The following ANO6 variants were observed in gnomAD, a reference collection of about 807,000 sequenced individuals.
ANO6 encodes anoctamin-6.
ANO6 carries 106 observed loss-of-function variants against 117.5 expected under a neutral mutation model. The ratio of observed to expected loss-of-function variants is 0.90; its 90% CI spans 0.77 to 1.06. The LOEUF (loss-of-function observed/expected upper bound fraction) is 1.06, where lower values mean the gene tolerates loss of function less well. ANO6 is among the 50% of genes least tolerant of loss of function. The probability of loss-of-function intolerance (pLI) is 0.00; values close to 1 mark genes in which losing one functional copy is unlikely to be tolerated. For synonymous variants in ANO6, 367 were observed against 385.1 expected (o/e 0.95, Z 0.55); for missense variants, 955 against 1,121.1 (o/e 0.85, Z 2.12).
At chr12:45,335,930 A>G (rs73279698) in intron 3 of ANO6, among the ~76,000 whole-genome samples, 2,028 of 152,044 alleles carry the variant, frequency 0.013, 39 homozygotes, top group African/African-American at 0.047. Context: ...TGAAGACCAT[A>G]TTGTCTACAA....
At chr12:45,248,428 CTTT>C (rs35185612) in intron 1 of ANO6, among the ~76,000 whole-genome samples, 7 of 120,840 alleles carry the variant, frequency 5.8e-5, no homozygotes, top group Non-Finnish European at 5.2e-5. Flanking sequence ...AAAAAGTAGA[CTTT>C]TTTTTTTTTT....
chr12:45,431,817 C>G lies in ANO6; in HGVS notation c.*2506C>G, dbSNP rs1375099036. On this transcript the variant is annotated 3_prime_UTR_variant, in exon 20 of 20. Transcript: ENST00000320560. ...TGAAGAGGGAGAATCTAGCCTTCAG[C>G]CTGTCCAGTGTTAACCACTAGAGAA... 1.3e-5 allele frequency: 13 copies of G among 985,306 alleles called. No individual in the cohort carries two copies. Among genetic ancestry groups the G allele is most frequent in the African/African-American group, 5.2e-5 (3 of 57,224 alleles). The allele number at this position is 985,306 out of a possible 1,614,324, so 61.0% of individuals were successfully genotyped here. A position where few individuals can be genotyped will look rare whatever the true frequency, so the allele number is the denominator to read the frequency against.
chr12:45,379,648 A>G (rs1942118553), intron 10 of ANO6, among the ~76,000 whole-genome samples: 3 of 152,210 alleles, frequency 2.0e-5, no homozygotes. Flanking sequence ...TAAACTGCAT[A>G]TACTAATGGA....
At chr12:45,245,351 T>C (rs539018387) in intron 1 of ANO6, among the ~76,000 whole-genome samples, 32 of 152,126 alleles carry the variant, frequency 2.1e-4, no homozygotes, top group South Asian at 6.2e-4. Context: ...TTAGTATTAA[T>C]AATTGTTAAT....
At chr12:45,415,049 T>TG (rs1943181013) in intron 16 of ANO6, among the ~76,000 whole-genome samples, 1 of 151,698 alleles carries the variant, frequency 6.6e-6, no homozygotes, top group South Asian at 2.1e-4. Flanking sequence ...TTAGCTGCCA[T>TG]GCCTGGCTGA....
chr12:45,353,313 C>T (rs1386436507), intron 7 of ANO6, among the ~76,000 whole-genome samples: 2 of 151,768 alleles, frequency 1.3e-5, no homozygotes, highest in Non-Finnish European at 2.9e-5. Flanking sequence ...TCTGTTTACC[C>T]TGTAAAATAA....
At chr12:45,367,241 C>CAA (rs1941709503) in intron 8 of ANO6, among the ~76,000 whole-genome samples, 1 of 152,194 alleles carries the variant, frequency 6.6e-6, no homozygotes, top group Non-Finnish European at 1.5e-5. Flanking sequence ...CTCGGCCTCC[C>CAA]AAAGTGCTGG....
chr12:45,392,662 G>C (rs1239607095), intron 12 of ANO6, among the ~76,000 whole-genome samples: 1 of 152,186 alleles, frequency 6.6e-6, no homozygotes, highest in African/African-American at 2.4e-5. Context: ...GGAAGGATCA[G>C]GCAGCAATAT....
intron 1 of ANO6, among the ~76,000 whole-genome samples, chr12:45,250,376 G>A (rs1565645266): frequency 6.6e-6 from 1 of 152,072 alleles, no homozygotes; most frequent in Non-Finnish European, 1.5e-5. Context: ...AAGAAAATAT[G>A]TCAGAATTAT....
At chr12:45,255,663 A>G (rs1247330221) in intron 1 of ANO6, among the ~76,000 whole-genome samples, 1 of 152,168 alleles carries the variant, frequency 6.6e-6, no homozygotes, top group African/African-American at 2.4e-5. Context: ...TCTGGGAGTT[A>G]CAACTAGTAG....
At chr12:45,254,829 A>G (rs1038364857) in intron 1 of ANO6, among the ~76,000 whole-genome samples, 1 of 152,246 alleles carries the variant, frequency 6.6e-6, no homozygotes, top group African/African-American at 2.4e-5. Flanking sequence ...CAGACTCAAC[A>G]TACTTGAATG....
intron 2 of ANO6, among the ~76,000 whole-genome samples, chr12:45,306,271 C>G (rs1235116686): frequency 6.6e-6 from 1 of 152,158 alleles, no homozygotes; most frequent in Non-Finnish European, 1.5e-5. Context: ...TGCCTCTGAT[C>G]TCATGCCAAC....
Position 45,292,047 on chromosome 12 carries a change from G to A in ANO6, c.71-9967G>A, listed in dbSNP as rs577821375. ...CAGCATTATTCACAATAGCCAAAAGGTGGAAACAACACCCGTGTCCATCCA... is the reference window on the plus strand; with the variant it reads ...CAGCATTATTCACAATAGCCAAAAGATGGAAACAACACCCGTGTCCATCCA... On this transcript the variant is annotated intron_variant, in intron 1 of 19. Transcript: ENST00000320560. 3.3e-5 allele frequency among the ~76,000 whole-genome samples: 5 copies of A among 152,258 alleles called. No homozygotes were observed. In the South Asian group the frequency reaches 8.3e-4, roughly 25 times the overall value.
At chr12:45,360,965 A>G (rs1941540463) in intron 8 of ANO6, among the ~76,000 whole-genome samples, 1 of 152,116 alleles carries the variant, frequency 6.6e-6, no homozygotes, top group African/African-American at 2.4e-5. Flanking sequence ...CAAGTACCAC[A>G]CTTTATTTAT....
chr12:45,254,928 C>T (rs368476707), intron 1 of ANO6, among the ~76,000 whole-genome samples: 13 of 152,202 alleles, frequency 8.5e-5, no homozygotes, highest in Non-Finnish European at 1.6e-4. Context: ...TTTTAAATAA[C>T]CCTCATCAAG....
chr12:45,363,727 G>C (rs1199247737), intron 8 of ANO6, among the ~76,000 whole-genome samples: 2 of 152,102 alleles, frequency 1.3e-5, no homozygotes, highest in Non-Finnish European at 1.5e-5. Flanking sequence ...CATGTGGGCA[G>C]TTTTCCTCAT....
In ANO6 at chr12:45,403,240, A is replaced by C. The variant is rs747299266; in HGVS notation, c.1781A>C (p.Glu594Ala). 1.2e-6 allele frequency: 2 copies of C among 1,613,550 alleles called. No individual in the cohort carries two copies. Among genetic ancestry groups the C allele is most frequent in the Non-Finnish European group, 1.7e-6 (2 of 1,179,668 alleles). Residue 594 changes from glutamate to alanine, a missense_variant and splice_region_variant, in exon 14 of 20, where the codon GAG (glutamate) becomes GCG (alanine). Transcript: ENST00000320560. ...VYWLGKYRNE[E>A]CDPGGCLLEL... ...TGGTTGGGAAAATACAGAAATGAAG[A>C]GGTATGAATATATAATTGTATTATC... is the stretch of plus-strand genomic sequence containing the variant.
At position 45,365,509 on chromosome 12, in the gene ANO6, A is replaced by G. The variant is rs571885265; in HGVS notation, c.999-2179A>G. ...GCTGTTCACAGTATGAGCTCTGAGT[A>G]TGAGGTTTAAAAAGAATGGCAAATC... On this transcript the variant is annotated intron_variant, in intron 8 of 19. Transcript: ENST00000320560. Among the ~76,000 whole-genome samples the G allele has an allele frequency of 2.6e-5, 4 of 152,332 alleles. No homozygotes were observed. In the South Asian group the frequency reaches 8.3e-4, roughly 32 times the overall value.
intron 1 of ANO6, among the ~76,000 whole-genome samples, chr12:45,225,240 C>T (rs1350647356): frequency 6.7e-6 from 1 of 149,214 alleles, no homozygotes; most frequent in Non-Finnish European, 1.5e-5. Context: ...TGATATTGAT[C>T]TCTTAGTGAT....
Sources: gnomAD v4.1 joint callset for allele counts (sites outside exome capture counted in the v4.1 genomes callset) on GRCh38, gnomAD v4.1.1 for gene constraint, MANE v1.5 for transcripts, NCBI Gene and HGNC (gene_info 2026-07-23, HGNC 2026-07-21) for gene names.